Variants in PPTC7 observed in about 807,000 individuals in gnomAD.
PPTC7 encodes the protein protein phosphatase targeting COQ7.
PPTC7 carries 6 observed loss-of-function variants against 30.8 expected under a neutral mutation model. The observed-to-expected ratio is 0.19, with a 90% CI of 0.11 to 0.38. The LOEUF (loss-of-function observed/expected upper bound fraction) is 0.38. Among genes scored for constraint, PPTC7 ranks in the 10% least tolerant of loss-of-function variants. PPTC7 has a pLI of 1.00. For missense variants in PPTC7, 218 were observed against 404.8 expected, an observed-to-expected ratio of 0.54 and a Z score of 3.96; for synonymous variants, 163 against 168.1, an observed-to-expected ratio of 0.97 and a Z score of 0.23.
intron 5 of PPTC7, among the ~76,000 whole-genome samples, 155 bp from the exon 6 acceptor site, chr12:110,537,250 T>TA (rs920594615): frequency 2.1e-4 from 31 of 150,470 alleles, no homozygotes; most frequent in Admixed American, 4.0e-4. Flanking sequence ...AATATTTGAT[T>TA]AAAAAAAAAC....
chr12:110,534,657 T>C lies in PPTC7; in HGVS notation c.*2380A>G, dbSNP rs1015725876. ...AGAACAGGGGAAAATAGAGAAAATATTTTATGTCACTAATCTATAGGCCAG... is the reference window on the plus strand; with the variant it reads ...AGAACAGGGGAAAATAGAGAAAATACTTTATGTCACTAATCTATAGGCCAG... On this transcript the variant is annotated 3_prime_UTR_variant, in exon 6 of 6. Coordinates refer to ENST00000354300, the MANE Select transcript of PPTC7 (RefSeq NM_139283.2). 2.0e-5 allele frequency: 3 copies of C among 152,112 alleles called. No homozygotes were observed. The highest frequency in any genetic ancestry group is 7.2e-5 in the African/African-American group (3 of 41,432). The allele number at this position is 152,112 out of a possible 1,614,324, so 9.4% of individuals were successfully genotyped here. A position where few individuals can be genotyped will look rare whatever the true frequency, so the allele number is the denominator to read the frequency against.
intron 1 of PPTC7, among the ~76,000 whole-genome samples, chr12:110,566,194 T>TA (rs1279874587): frequency 6.6e-6 from 1 of 152,186 alleles, no homozygotes; most frequent in Non-Finnish European, 1.5e-5. Flanking sequence ...GGCCTGAGGC[T>TA]ACCAAACTCA....
intron 3 of PPTC7, among the ~76,000 whole-genome samples, chr12:110,543,431 G>A (rs1384698741): frequency 2.0e-5 from 3 of 149,160 alleles, no homozygotes; most frequent in Non-Finnish European, 4.4e-5. Flanking sequence ...GATACATGCA[G>A]CATGAAAAAA....
chr12:110,583,165 G>T lies in PPTC7; in HGVS notation c.-134C>A. The T allele has an allele frequency of 6.4e-6, 3 of 468,784 alleles. No homozygotes were observed. Among genetic ancestry groups the T allele is most frequent in the Non-Finnish European group, 9.2e-6 (3 of 324,744 alleles). 29.0% of individuals were successfully genotyped at this position (468,784 alleles called of 1,614,324 possible). On this transcript the variant is annotated 5_prime_UTR_variant, in exon 1 of 6. Transcript: ENST00000354300. ...CTCAGGGCGGCGCGCAGTGGCCGCC[G>T]CCGCCCCTGCCCGACGCGCGGGGCC...
intron 1 of PPTC7, among the ~76,000 whole-genome samples, chr12:110,579,366 A>T (rs956823411): frequency 6.6e-6 from 1 of 152,228 alleles, no homozygotes. Context: ...GCATATGTGC[A>T]TGCTTGATCT....
intron 4 of PPTC7, 28 bp downstream of exon 4, chr12:110,539,794 C>T (rs1402419118): frequency 6.2e-7 from 1 of 1,608,654 alleles, no homozygotes; most frequent in South Asian, 1.1e-5. Context: ...GGCCACTTTT[C>T]CCAAGAGCTA....
intron 1 of PPTC7, among the ~76,000 whole-genome samples, chr12:110,560,391 G>C (rs2064428796): frequency 6.7e-6 from 1 of 149,552 alleles, no homozygotes; most frequent in Non-Finnish European, 1.5e-5. Flanking sequence ...GACAGAGCGA[G>C]ACCCTGTCTC....
intron 3 of PPTC7, among the ~76,000 whole-genome samples, chr12:110,542,748 A>C (rs894112080): frequency 6.6e-6 from 1 of 151,738 alleles, no homozygotes; most frequent in Non-Finnish European, 1.5e-5. Flanking sequence ...TGAGGACAGA[A>C]TATGTGGCTA....
At chr12:110,555,500 AAATAATAAC>A (rs950658320) in intron 1 of PPTC7, among the ~76,000 whole-genome samples, 1 of 152,220 alleles carries the variant, frequency 6.6e-6, no homozygotes, top group African/African-American at 2.4e-5. Context: ...CACAACATTT[AAATAATAAC>A]AATGATAACA....
At chr12:110,574,270 G>A (rs2135794300) in intron 1 of PPTC7, among the ~76,000 whole-genome samples, 1 of 150,230 alleles carries the variant, frequency 6.7e-6, no homozygotes, top group South Asian at 2.1e-4. Context: ...TTTTATAGAT[G>A]AGGAAACAGA....
intron 3 of PPTC7, among the ~76,000 whole-genome samples, chr12:110,545,092 T>C (rs540807599): frequency 6.6e-6 from 1 of 151,946 alleles, no homozygotes; most frequent in South Asian, 2.1e-4. Flanking sequence ...ATTTTGGTTT[T>C]ATTGTTTTGG....
Position 110,536,851 on chromosome 12 carries a change from G to A in PPTC7, c.*186C>T, listed in dbSNP as rs1019260185. ...CTCTTCAATTGCTGCCGGCAGATAT[G>A]AGCTAGTGAATGATAGTAGTGGTTC... is the stretch of plus-strand genomic sequence containing the variant. On this transcript the variant is annotated 3_prime_UTR_variant, in exon 6 of 6. Coordinates refer to ENST00000354300, the MANE Select transcript of PPTC7 (RefSeq NM_139283.2). The A allele has an allele frequency of 1.6e-5, 9 of 553,796 alleles. No homozygotes were observed. Among genetic ancestry groups the A allele is most frequent in the Admixed American group, 1.6e-4 (5 of 31,348 alleles). The allele number at this position is 553,796 out of a possible 1,614,324, so 34.3% of individuals were successfully genotyped here.
chr12:110,548,106 C>CA (rs779977311), intron 2 of PPTC7, among the ~76,000 whole-genome samples: 1,975 of 109,620 alleles, frequency 0.018, 21 homozygotes, highest in African/African-American at 0.048. Flanking sequence ...GACTCTGTCT[C>CA]AAAAAAAAAA....
At chr12:110,566,567 C>T (rs536181628) in intron 1 of PPTC7, among the ~76,000 whole-genome samples, 1 of 152,274 alleles carries the variant, frequency 6.6e-6, no homozygotes, top group African/African-American at 2.4e-5. Flanking sequence ...ACCAGTGCTC[C>T]GCTCACAGCC....
chr12:110,543,124 A>T (rs1446452623), intron 3 of PPTC7, among the ~76,000 whole-genome samples: 1 of 152,222 alleles, frequency 6.6e-6, no homozygotes, highest in East Asian at 1.9e-4. Flanking sequence ...AAACCCCAAC[A>T]CTTGTGTAAG....
Position 110,551,851 on chromosome 12 carries a change from T to C in PPTC7, c.341A>G (p.Asn114Ser), listed in dbSNP as rs1025554707. ...GCTTGTGGTGAGAATTCCAATGGGA[T>C]TACTAGGTACGAACCGTCCTTCTTT... ...LVKEGRFVPS[N>S]PIGILTTSYC... is the part of the protein sequence containing the mutation. The change falls in exon 2 of 6, where the codon AAT becomes AGT. Residue 114 changes from asparagine to serine, a missense_variant. By Grantham distance (46) the Asn-to-Ser change is conservative. Transcript: ENST00000354300. 6.2e-7 allele frequency: 1 copy of C among 1,614,058 alleles called. No individual in the cohort carries two copies. The highest frequency in any genetic ancestry group is 1.3e-5 in the African/African-American group (1 of 74,944).
chr12:110,567,995 C>CA (rs1340501288), intron 1 of PPTC7, among the ~76,000 whole-genome samples: 2 of 150,522 alleles, frequency 1.3e-5, no homozygotes, highest in Non-Finnish European at 3.0e-5. Context: ...ACCCACCCCC[C>CA]AAAAAACAAA....
intron 2 of PPTC7, among the ~76,000 whole-genome samples, chr12:110,547,027 T>C (rs7296852): frequency 0.018 from 2,769 of 152,260 alleles, 101 homozygotes; most frequent in African/African-American, 0.063. Context: ...AGTAAACAAC[T>C]TTCCTGGAGC....
At chr12:110,552,245 G>A (rs2064354249) in intron 1 of PPTC7, among the ~76,000 whole-genome samples, 1 of 152,174 alleles carries the variant, frequency 6.6e-6, no homozygotes. Context: ...ATTTCAGCAG[G>A]ATTAGCATCT....
Sources: allele counts gnomAD v4.1 joint callset (sites outside exome capture counted in the v4.1 genomes callset), GRCh38; gene constraint gnomAD v4.1.1; transcripts MANE v1.5; gene names NCBI Gene and HGNC (gene_info 2026-07-23, HGNC 2026-07-21).